Variants in AMN1 observed in about 807,000 individuals in gnomAD.
AMN1 encodes protein AMN1 homolog.
In AMN1, 20 loss-of-function variants were observed where a neutral mutation model predicts 33.0. The observed-to-expected ratio is 0.61, with a 90% confidence interval of 0.43 to 0.88. AMN1 has a LOEUF of 0.88. Ranked by LOEUF, AMN1 falls within the 40% of genes least tolerant of loss-of-function variation. AMN1 has a pLI of 0.00. For synonymous variants in AMN1, 114 were observed against 111.9 expected, an observed-to-expected ratio of 1.02 and a Z score of -0.12; for missense variants, 246 against 307.4, an observed-to-expected ratio of 0.80 and a Z score of 1.49.
chr12:31,684,472 ATTTTTTTT>A (rs199644601), intron 6 of AMN1, among the ~76,000 whole-genome samples: 18 of 142,540 alleles, frequency 1.3e-4, no homozygotes, highest in Admixed American at 1.4e-4. Flanking sequence ...ATCCTCAGTG[ATTTTTTTT>A]TTTTTTTTGA....
intron 5 of AMN1, among the ~76,000 whole-genome samples, chr12:31,692,371 C>T (rs755065808): frequency 9.3e-5 from 14 of 150,752 alleles, no homozygotes; most frequent in African/African-American, 2.4e-4. Context: ...GCAGAAGAAT[C>T]GCTTGAACCC....
chr12:31,688,533 C>T (rs564386874), intron 6 of AMN1, among the ~76,000 whole-genome samples: 25 of 152,204 alleles, frequency 1.6e-4, no homozygotes, highest in African/African-American at 1.7e-4. Context: ...AGAGGCCGGG[C>T]GCGGCAGCTA....
In AMN1 at chr12:31,675,515, G is replaced by A. The variant is rs139828954; in HGVS notation, c.704-3138C>T. On this transcript the variant is annotated intron_variant, in intron 6 of 6. Transcript: ENST00000281471. ...GATATCCACACTTTTTTTTTTTTTT[G>A]AGACAGAGTCTCACCCTTTGCCCAG... Among the ~76,000 whole-genome samples, 313 of 132,134 alleles carry A rather than the reference G, an allele frequency of 2.4e-3. 1 individual carries two copies. Among genetic ancestry groups the A allele is most frequent in the Non-Finnish European group, 3.6e-3 (223 of 61,274 alleles). 86.7% of individuals were successfully genotyped at this position (132,134 alleles called of 152,430 possible). A position where few individuals can be genotyped will look rare whatever the true frequency, so the allele number is the denominator to read the frequency against.
At chr12:31,692,926 T>G (rs528720966) in intron 5 of AMN1, among the ~76,000 whole-genome samples, 1 of 152,308 alleles carries the variant, frequency 6.6e-6, no homozygotes, top group Admixed American at 6.5e-5. Context: ...TACTACCACA[T>G]ATCTAGAATT....
chr12:31,709,128 T>C (rs1193557383), intron 2 of AMN1, 165 bp downstream of exon 2: 1 of 762,540 alleles, frequency 1.3e-6, no homozygotes, highest in Non-Finnish European at 2.2e-6. Flanking sequence ...TGAGCTGAGA[T>C]TGCACCACTG....
chr12:31,692,113 G>C (rs1938526000), intron 5 of AMN1, among the ~76,000 whole-genome samples: 1 of 151,440 alleles, frequency 6.6e-6, no homozygotes, highest in South Asian at 2.1e-4. Context: ...CTGACCTCAA[G>C]TGATCCACCC....
At chr12:31,700,912 A>T (rs1057044377) in intron 3 of AMN1, among the ~76,000 whole-genome samples, 21 of 151,794 alleles carry the variant, frequency 1.4e-4, no homozygotes, top group Non-Finnish European at 2.8e-4. Flanking sequence ...GATGGTCTCG[A>T]TCTCCTGACC....
intron 1 of AMN1, among the ~76,000 whole-genome samples, chr12:31,711,659 A>T (rs1939471254): frequency 6.6e-6 from 1 of 152,238 alleles, no homozygotes; most frequent in South Asian, 2.1e-4. Context: ...ATGTGTAAAG[A>T]TCAAATCAGG....
chr12:31,682,690 A>G (rs1047494943), intron 6 of AMN1, among the ~76,000 whole-genome samples: 1 of 152,102 alleles, frequency 6.6e-6, no homozygotes, highest in African/African-American at 2.4e-5. Context: ...CTATACTTAA[A>G]CAATTGGATG....
chr12:31,674,954 A>G (rs529478853), intron 6 of AMN1, among the ~76,000 whole-genome samples: 19 of 151,806 alleles, frequency 1.3e-4, no homozygotes, highest in African/African-American at 4.6e-4. Flanking sequence ...TCCAGGAGGC[A>G]GAGATTGCAG....
At chr12:31,693,412 G>C in intron 5 of AMN1, among the ~76,000 whole-genome samples, 1 of 152,100 alleles carries the variant, frequency 6.6e-6, no homozygotes, top group East Asian at 1.9e-4. Flanking sequence ...TTTTAGTAGA[G>C]ATGAGGTTTC....
chr12:31,692,999 A>C (rs1471255467), intron 5 of AMN1, among the ~76,000 whole-genome samples: 1 of 152,232 alleles, frequency 6.6e-6, no homozygotes, highest in African/African-American at 2.4e-5. Context: ...GAGATTTCAG[A>C]AACGATCATG....
At chr12:31,719,342 C>A (rs1286165782) in intron 1 of AMN1, 4 of 983,122 alleles carry the variant, frequency 4.1e-6, no homozygotes, top group Middle Eastern at 5.2e-4. Context: ...GATATAAAAT[C>A]TTTCCTAAGC....
At position 31,701,941 on chromosome 12, in the gene AMN1, G is replaced by T. The variant is rs1939022807; in HGVS notation, c.238C>A (p.His80Asn). 6.2e-7 allele frequency: 1 copy of T among 1,610,580 alleles called. No individual in the cohort carries two copies. The highest frequency in any genetic ancestry group is 8.5e-7 in the Non-Finnish European group (1 of 1,178,740). Reference protein sequence around the residue: ...SCDISDAALLHLSNCRKLKKL... With the variant: ...SCDISDAALLNLSNCRKLKKL... The stretch of plus-strand genomic sequence containing the variant: ...TTCAGTTTTCTACAGTTAGACAGGT[G>T]CAGGAGAGCAGCATCTGATATATCG... Residue 80 changes from histidine to asparagine, a missense_variant, in exon 3 of 7, where the codon CAC (histidine) becomes AAC (asparagine). His to Asn is a moderately conservative substitution (Grantham distance 68). Transcript: ENST00000281471.
In AMN1 at chr12:31,697,413, G is replaced by C. The variant is rs1217607438; in HGVS notation, c.539C>G (p.Ser180Cys). 1.2e-6 allele frequency: 2 copies of C among 1,612,922 alleles called. No homozygotes were observed. Among genetic ancestry groups the C allele is most frequent in the Non-Finnish European group, 1.7e-6 (2 of 1,179,386 alleles). Residue 180 changes from serine (S) to cysteine (C), a missense_variant, in exon 5 of 7, where the codon TCT becomes TGT. Physicochemically the swap from Ser to Cys is moderately radical, Grantham distance 112. Coordinates refer to ENST00000281471, the MANE Select transcript of AMN1 (RefSeq NM_001113402.2). Reference protein sequence around the residue: ...QCVDFSATQVSDSGVIALVSG... With the variant: ...QCVDFSATQVCDSGVIALVSG... ...AACAAGTGCAATCACACCACTGTCA[G>C]ATACCTAAGCAAAGGGAAAAAGAAA...
intron 2 of AMN1, among the ~76,000 whole-genome samples, chr12:31,704,048 T>C (rs936004212): frequency 2.0e-5 from 3 of 152,204 alleles, no homozygotes; most frequent in African/African-American, 7.2e-5. Context: ...ATAATGAATA[T>C]ATGTGTGTAC....
intron 3 of AMN1, 47 bp from the exon 4 acceptor site, chr12:31,698,004 T>C (rs1938811995): frequency 3.2e-6 from 5 of 1,557,694 alleles, no homozygotes; most frequent in Middle Eastern, 3.4e-4. Flanking sequence ...TGTGTGTATA[T>C]GTATACATGA....
At chr12:31,689,814 T>G (rs1315764793) in intron 5 of AMN1, among the ~76,000 whole-genome samples, 1 of 152,182 alleles carries the variant, frequency 6.6e-6, no homozygotes, top group Non-Finnish European at 1.5e-5. Flanking sequence ...GTTACATAAG[T>G]AAGTTCTTTA....
chr12:31,713,219 T>C (rs1357282895), intron 1 of AMN1, among the ~76,000 whole-genome samples: 1 of 152,108 alleles, frequency 6.6e-6, no homozygotes, highest in Admixed American at 6.6e-5. Context: ...CTGTGTGTTA[T>C]ATATATATGT....
Sources: allele counts gnomAD v4.1 joint callset (sites outside exome capture counted in the v4.1 genomes callset), GRCh38; gene constraint gnomAD v4.1.1; transcripts MANE v1.5; gene names NCBI Gene and HGNC (gene_info 2026-07-23, HGNC 2026-07-21).